Variants in TTC34 observed in about 807,000 individuals in gnomAD.
The protein encoded by TTC34 is tetratricopeptide repeat domain 34.
A neutral mutation model predicts 40.7 loss-of-function variants in TTC34; 44 were observed. The ratio of observed to expected loss-of-function variants is 1.08; its 90% CI spans 0.85 to 1.39. The LOEUF (loss-of-function observed/expected upper bound fraction) is 1.39. TTC34 is among the 40% of genes most tolerant of loss of function. The probability of loss-of-function intolerance (pLI) is 0.00; values close to 1 mark genes in which losing one functional copy is unlikely to be tolerated. For missense variants in TTC34, 884 were observed against 838.0 expected (o/e 1.05, Z -0.68); for synonymous variants, 422 against 398.6 (o/e 1.06, Z -0.70).
exon 1 of TTC34, chr1:2,801,677 G>A (rs1374744842): frequency 6.6e-6 from 1 of 152,306 alleles, no homozygotes; most frequent in Non-Finnish European, 1.5e-5. Context: ...GGAGGGCCCA[G>A]GCCTGGGTGG....
At chr1:2,750,629 T>G (rs1641286598) in intron 6 of TTC34, among the ~76,000 whole-genome samples, 1 of 151,626 alleles carries the variant, frequency 6.6e-6, no homozygotes, top group African/African-American at 2.4e-5. Flanking sequence ...TCTGACAGCC[T>G]GGAGCAGCAC....
intron 6 of TTC34, among the ~76,000 whole-genome samples, chr1:2,699,435 C>T (rs1281973937): frequency 2.8e-5 from 3 of 106,922 alleles, no homozygotes; most frequent in Non-Finnish European, 4.4e-5. Flanking sequence ...ATCTGACAGC[C>T]TGGAACATCA....
chr1:2,800,046 T>C, exon 2 of TTC34: 1 of 398,344 alleles, frequency 2.5e-6, no homozygotes, highest in East Asian at 3.6e-5. Flanking sequence ...CCTCCTACCT[T>C]GGGGTTCGCT....
chr1:2,692,360 G>C (rs1640659587), intron 6 of TTC34, among the ~76,000 whole-genome samples: 1 of 72,762 alleles, frequency 1.4e-5, no homozygotes, highest in Non-Finnish European at 3.2e-5. Context: ...GTGAGCATCT[G>C]ACAGCCTGGA....
Position 2,751,191 on chromosome 1 carries a change from T to G in TTC34, c.2226+32418A>C, listed in dbSNP as rs1251847909. On this transcript the variant is annotated intron_variant, in intron 6 of 8. Coordinates refer to ENST00000401095, the Ensembl canonical transcript of TTC34. ...ATCCCCAGGCGAGCATCCGACAGCC[T>G]GGAGCAGCACCCACACCCTCAGGTG... Among the ~76,000 whole-genome samples, 3 of 117,010 alleles carry G rather than the reference T, an allele frequency of 2.6e-5. 1 individual carries two copies. Among genetic ancestry groups the G allele is most frequent in the Non-Finnish European group, 5.1e-5 (3 of 59,278 alleles). The allele number at this position is 117,010 out of a possible 152,430, so 76.8% of individuals were successfully genotyped here.
At chr1:2,749,474 G>T (rs1641246891) in intron 6 of TTC34, among the ~76,000 whole-genome samples, 1 of 109,976 alleles carries the variant, frequency 9.1e-6, no homozygotes, top group African/African-American at 4.1e-5. Context: ...GCCTGGAACA[G>T]CACCCACATC....
intron 2 of TTC34, among the ~76,000 whole-genome samples, chr1:2,798,551 T>TCCCCAGCCTCCCAGCCTCC (rs1643735901): frequency 8.6e-5 from 1 of 11,684 alleles, no homozygotes; most frequent in African/African-American, 3.8e-4. Flanking sequence ...GCCCCTCAGC[T>TCCCCAGCCTCCCAGCCTCC]CCCCAGCCTC....
At position 2,692,302 on chromosome 1, in the gene TTC34, C is replaced by T. The variant is rs113728411; in HGVS notation, c.2227-46739G>A. Among the ~76,000 whole-genome samples the T allele has an allele frequency of 3.0e-5, 2 of 67,142 alleles. 1 individual carries two copies. The highest frequency in any genetic ancestry group is 7.4e-4 in the East Asian group (2 of 2,702). The allele number at this position is 67,142 out of a possible 152,430, so 44.0% of individuals were successfully genotyped here. On this transcript the variant is annotated intron_variant, in intron 6 of 8. Transcript: ENST00000401095. ...ATCTGACAGCCTGGAGCAGCAGGCA[C>T]ACCCCCAGTGAGCATCTGACAGCCT... is the stretch of plus-strand genomic sequence containing the variant.
At chr1:2,685,866 A>T (rs1187513564) in intron 6 of TTC34, among the ~76,000 whole-genome samples, 26 of 148,720 alleles carry the variant, frequency 1.7e-4, no homozygotes, top group African/African-American at 5.3e-4. Flanking sequence ...ACAGCCTGGA[A>T]CAGCACCCTG....
chr1:2,680,460 C>A (rs1437505641), intron 6 of TTC34, among the ~76,000 whole-genome samples: 4 of 95,642 alleles, frequency 4.2e-5, no homozygotes, highest in Non-Finnish European at 5.6e-5. Flanking sequence ...AGCACCCACA[C>A]CCCCAGGAGA....
chr1:2,768,511 G>T (rs1487584097), intron 6 of TTC34, among the ~76,000 whole-genome samples: 9 of 150,884 alleles, frequency 6.0e-5, no homozygotes, highest in African/African-American at 2.2e-4. Context: ...TCAGGTGAGT[G>T]TCTGACAGCC....
intron 6 of TTC34, among the ~76,000 whole-genome samples, chr1:2,768,022 C>A (rs1015086410): frequency 2.0e-5 from 3 of 150,942 alleles, no homozygotes; most frequent in Non-Finnish European, 4.4e-5. Context: ...GAGCATCTGA[C>A]AGCATAAAAC....
intron 6 of TTC34, among the ~76,000 whole-genome samples, chr1:2,756,574 G>A (rs1641512433): frequency 3.8e-4 from 47 of 124,044 alleles, no homozygotes; most frequent in African/African-American, 1.3e-3. Context: ...ACAGCCTGAA[G>A]CAGCACCCAC....
intron 6 of TTC34, among the ~76,000 whole-genome samples, chr1:2,772,934 A>G: frequency 8.0e-6 from 1 of 125,082 alleles, no homozygotes; most frequent in African/African-American, 3.0e-5. Flanking sequence ...AACAGCACCC[A>G]TACCCCCAGG....
intron 6 of TTC34, among the ~76,000 whole-genome samples, chr1:2,757,718 G>C (rs1459382198): frequency 1.5e-4 from 22 of 145,632 alleles, no homozygotes; most frequent in African/African-American, 5.7e-4. Flanking sequence ...ACACCCACAG[G>C]TGAGCATCTG....
chr1:2,756,032 C>G (rs1458096621), intron 6 of TTC34, among the ~76,000 whole-genome samples: 11 of 75,346 alleles, frequency 1.5e-4, no homozygotes, highest in African/African-American at 8.6e-4. Context: ...CACCCCCAGG[C>G]GAGCATCTGA....
At chr1:2,640,627 G>A (rs1486801660) in exon 9 of TTC34, 1 of 152,062 alleles carries the variant, frequency 6.6e-6, no homozygotes, top group Admixed American at 6.5e-5. Context: ...GGCCCATTTG[G>A]GAGCTCTGTC....
intron 6 of TTC34, among the ~76,000 whole-genome samples, chr1:2,686,354 C>T (rs567762831): frequency 6.6e-6 from 1 of 151,186 alleles, no homozygotes; most frequent in Non-Finnish European, 1.5e-5. Context: ...TGGAGCAGCA[C>T]CCACACCCCC....
intron 6 of TTC34, among the ~76,000 whole-genome samples, chr1:2,779,757 T>C (rs1219489718): frequency 6.6e-6 from 1 of 152,240 alleles, no homozygotes; most frequent in African/African-American, 2.4e-5. Flanking sequence ...ATTTTCTTTT[T>C]AAAAACTTCA....
Sources: allele counts gnomAD v4.1 joint callset (sites outside exome capture counted in the v4.1 genomes callset), GRCh38; gene constraint gnomAD v4.1.1; transcripts MANE v1.5; gene names NCBI Gene and HGNC (gene_info 2026-07-23, HGNC 2026-07-21).